CD4: variants seen among roughly 807,000 people sequenced by gnomAD.
CD4 encodes T-cell surface glycoprotein CD4.
CD4 carries 25 observed loss-of-function variants against 50.5 expected under a neutral mutation model. The observed-to-expected ratio is 0.49, with a 90% CI of 0.36 to 0.69. The LOEUF (loss-of-function observed/expected upper bound fraction) is 0.69, where lower values mean the gene tolerates loss of function less well. Ranked by LOEUF, CD4 falls within the 30% of genes least tolerant of loss-of-function variation. The pLI is 0.00. For synonymous variants in CD4, 207 were observed against 221.9 expected (o/e 0.93, Z 0.60); for missense variants, 456 against 548.5 (o/e 0.83, Z 1.68).
intron 3 of CD4, among the ~76,000 whole-genome samples, chr12:6,802,484 T>G (rs1389500228): frequency 6.6e-6 from 1 of 152,016 alleles, no homozygotes; most frequent in East Asian, 1.9e-4. Flanking sequence ...AATTTTTTAC[T>G]TTTTGTAGAG....
At chr12:6,797,150 G>T (rs1292311025) in intron 1 of CD4, among the ~76,000 whole-genome samples, 1 of 152,132 alleles carries the variant, frequency 6.6e-6, no homozygotes, top group Non-Finnish European at 1.5e-5. Context: ...AGGTCATGTT[G>T]CCGCTGCTAC....
intron 3 of CD4, 51 bp from the exon 4 acceptor site, chr12:6,814,091 G>GCCCT (rs1555117421): frequency 6.5e-7 from 1 of 1,539,024 alleles, no homozygotes; most frequent in Non-Finnish European, 8.9e-7. Flanking sequence ...TGCCAGAGGT[G>GCCCT]CCCTGTCTCC....
chr12:6,808,372 A>C (rs1183536580), intron 3 of CD4, among the ~76,000 whole-genome samples: 1 of 15,158 alleles, frequency 6.6e-5, no homozygotes, highest in African/African-American at 2.7e-4. Flanking sequence ...GAATCACTTG[A>C]ACCCAGGAGG....
chr12:6,805,580 A>G (rs1555116040), intron 3 of CD4, among the ~76,000 whole-genome samples: 2 of 151,856 alleles, frequency 1.3e-5, no homozygotes, highest in African/African-American at 2.4e-5. Context: ...AAAAAAAGAA[A>G]AAAGAAAGCA....
At position 6,800,145 on chromosome 12, in the gene CD4, C is replaced by T. The variant is rs201040272; in HGVS notation, c.7C>T (p.Arg3Trp). The part of the protein sequence containing the change: MN[R>W]GVPFRHLLLV... The stretch of plus-strand genomic sequence containing the variant: ...CTCCCTCGGCAAGGCCACAATGAAC[C>T]GGGGAGTCCCTTTTAGGCACTTGCT... Residue 3 changes from arginine (R) to tryptophan (W), a missense_variant, in exon 2 of 10, where the codon CGG becomes TGG. By Grantham distance (101) the Arg-to-Trp change is moderately radical. Transcript: ENST00000011653. 143 of 1,613,974 alleles carry T rather than the reference C, an allele frequency of 8.9e-5. No homozygotes were observed. Among genetic ancestry groups the T allele is most frequent in the African/African-American group, 2.7e-4 (20 of 75,018 alleles).
chr12:6,791,553 A>C (rs1942161860), intron 1 of CD4, among the ~76,000 whole-genome samples: 1 of 152,174 alleles, frequency 6.6e-6, no homozygotes, highest in Admixed American at 6.5e-5. Flanking sequence ...AGTCTTGCAC[A>C]TTTTAGACAC....
intron 3 of CD4, 49 bp downstream of exon 3, chr12:6,800,520 G>A (rs1942513226): frequency 6.6e-7 from 1 of 1,518,520 alleles, no homozygotes; most frequent in Non-Finnish European, 9.0e-7. Context: ...ACTATGGAGT[G>A]AAAGCCTTTG....
In CD4 at chr12:6,819,393, G is replaced by A. The variant is rs1416808626; in HGVS notation, c.*64G>A. ...GGTGTCTGCCCCGCGTTTCCTGCCT[G>A]CGGACCAGATGAATGTAGCAGATCC... is the stretch of plus-strand genomic sequence containing the variant. On this transcript the variant is annotated 3_prime_UTR_variant, in exon 10 of 10. Transcript: ENST00000011653. The A allele has an allele frequency of 2.7e-6, 4 of 1,491,158 alleles. No homozygotes were observed. The highest frequency in any genetic ancestry group is 3.7e-6 in the Non-Finnish European group (4 of 1,068,098). 92.4% of individuals were successfully genotyped at this position (1,491,158 alleles called of 1,614,324 possible).
chr12:6,791,892 A>T (rs903736221), intron 1 of CD4, among the ~76,000 whole-genome samples: 3 of 152,128 alleles, frequency 2.0e-5, no homozygotes, highest in Non-Finnish European at 2.9e-5. Context: ...AATAACTTTG[A>T]TGAAGGTGGG....
Position 6,818,653 on chromosome 12 carries a change from A to C in CD4, c.1278+111A>C. The C allele has an allele frequency of 1.1e-5, 15 of 1,390,106 alleles. No individual in the cohort carries two copies. Among genetic ancestry groups the C allele is most frequent in the Non-Finnish European group, 1.5e-5 (15 of 993,342 alleles). 86.1% of individuals were successfully genotyped at this position (1,390,106 alleles called of 1,614,324 possible). ...GGCCCAGCTCCCTCTGCCCACTCGT[A>C]AGTTCCCTTGCTGCCCTGTCCCAGA... On this transcript the variant is annotated intron_variant, in intron 8 of 9. Transcript: ENST00000011653. The surrounding 1 kb of genome is among the most constrained non-coding windows in gnomAD (Gnocchi z 5.0).
chr12:6,816,829 T>C lies in CD4; in HGVS notation c.956-301T>C, dbSNP rs1322972825. Reference sequence around the variant, plus strand: ...ATCATCATAACGACTCTGCAAATAGTAATGGCTAACACTTGATGCTCAGCA... The same window carrying C: ...ATCATCATAACGACTCTGCAAATAGCAATGGCTAACACTTGATGCTCAGCA... On this transcript the variant is annotated intron_variant, in intron 6 of 9. Coordinates refer to ENST00000011653, the MANE Select transcript of CD4 (RefSeq NM_000616.5). This position sits in a 1 kb window ranked among gnomAD's most constrained non-coding sequence, Gnocchi z 4.9. Among the ~76,000 whole-genome samples the C allele has an allele frequency of 6.6e-6, 1 of 152,216 alleles. No homozygotes were observed. The highest frequency in any genetic ancestry group is 2.4e-5 in the African/African-American group (1 of 41,452).
intron 1 of CD4, among the ~76,000 whole-genome samples, chr12:6,793,281 A>G (rs372514871): frequency 1.3e-5 from 2 of 152,132 alleles, no homozygotes; most frequent in South Asian, 4.1e-4. Flanking sequence ...GGGGAGTCAA[A>G]ACAGCCACCA....
intron 1 of CD4, among the ~76,000 whole-genome samples, chr12:6,798,043 A>T (rs2137850324): frequency 6.6e-6 from 1 of 151,662 alleles, no homozygotes; most frequent in Admixed American, 6.6e-5. Flanking sequence ...GTGGGGGGAA[A>T]CCTGGACAAT....
At chr12:6,812,093 T>C (rs1395785122) in intron 3 of CD4, among the ~76,000 whole-genome samples, 1 of 152,068 alleles carries the variant, frequency 6.6e-6, no homozygotes, top group Non-Finnish European at 1.5e-5. Flanking sequence ...GGAGTCAAAA[T>C]TCAAAAGATA....
chr12:6,808,169 G>T (rs1266327775), intron 3 of CD4, among the ~76,000 whole-genome samples: 1 of 149,282 alleles, frequency 6.7e-6, no homozygotes, highest in African/African-American at 2.5e-5. Flanking sequence ...AAAAAGTGAA[G>T]ATTGGCCAGG....
Position 6,814,952 on chromosome 12 carries a change from C to G in CD4, c.567C>G (p.Asn189Lys). The G allele has an allele frequency of 6.2e-7, 1 of 1,613,374 alleles. No homozygotes were observed. Among genetic ancestry groups the G allele is most frequent in the South Asian group, 1.1e-5 (1 of 91,028 alleles). The change falls in exon 5 of 10, where the codon AAC becomes AAG. Residue 189 changes from asparagine to lysine, a missense_variant. Asn to Lys is a moderately conservative substitution (Grantham distance 94). Transcript: ENST00000011653. Reference sequence around the variant, plus strand: ...CCTGGACATGCACTGTCTTGCAGAACCAGAAGAAGGTGGAGTTCAAAATAG... The same window carrying G: ...CCTGGACATGCACTGTCTTGCAGAAGCAGAAGAAGGTGGAGTTCAAAATAG... ...SGTWTCTVLQNQKKVEFKIDI... is the reference protein window; with the variant it reads ...SGTWTCTVLQKQKKVEFKIDI...
chr12:6,800,489 C>CTA lies in CD4; in HGVS notation c.214+18_214+19insTA. 6.2e-7 allele frequency: 1 copy of CTA among 1,605,382 alleles called. No individual in the cohort carries two copies. Among genetic ancestry groups the CTA allele is most frequent in the Non-Finnish European group, 8.5e-7 (1 of 1,175,782 alleles). On this transcript the variant is annotated intron_variant, in intron 3 of 9. Transcript: ENST00000011653. ...AACTAAAGGTAGGGTTGCCTGGCTCCCCATCCAGGGAGGAAAACACACTAT... is the reference window on the plus strand; with the variant it reads ...AACTAAAGGTAGGGTTGCCTGGCTCCTACCATCCAGGGAGGAAAACACACTAT...
intron 3 of CD4, among the ~76,000 whole-genome samples, chr12:6,809,834 T>C (rs1200786086): frequency 2.6e-5 from 4 of 151,310 alleles, no homozygotes; most frequent in African/African-American, 9.7e-5. Context: ...CTGGAGCTTT[T>C]CTCCCTTCCT....
intron 3 of CD4, among the ~76,000 whole-genome samples, chr12:6,812,388 A>C (rs1156681671): frequency 6.6e-6 from 1 of 152,152 alleles, no homozygotes; most frequent in Non-Finnish European, 1.5e-5. Context: ...ACAAACAAAA[A>C]AAGAAAGCAG....
Sources: allele counts gnomAD v4.1 joint callset (sites outside exome capture counted in the v4.1 genomes callset), GRCh38; gene constraint gnomAD v4.1.1; non-coding constraint Gnocchi (gnomAD v3.1); transcripts MANE v1.5; gene names NCBI Gene and HGNC (gene_info 2026-07-23, HGNC 2026-07-21).